The following LRP1 variants were observed in gnomAD, a reference collection of about 807,000 sequenced individuals.
The protein encoded by LRP1 is LDL receptor related protein 1, also known as prolow-density lipoprotein receptor-related protein 1.
A neutral mutation model predicts 541.5 loss-of-function variants in LRP1; 51 were observed. The observed-to-expected ratio is 0.09, with a 90% confidence interval of 0.08 to 0.12. The LOEUF (loss-of-function observed/expected upper bound fraction) is 0.12. LRP1 is among the 10% of genes least tolerant of loss of function. The pLI is 1.00. For missense variants in LRP1, 3,878 were observed against 6,376.2 expected, an observed-to-expected ratio of 0.61 and a Z score of 13.34; for synonymous variants, 2,219 against 2,470.8, an observed-to-expected ratio of 0.90 and a Z score of 3.02.
In LRP1 at chr12:57,173,745, C is replaced by G. The variant is rs375568678; in HGVS notation, c.3347-35C>G. On this transcript the variant is annotated intron_variant, in intron 21 of 88. Coordinates refer to ENST00000243077, the MANE Select transcript of LRP1 (RefSeq NM_002332.3). This position sits in a 1 kb window ranked among gnomAD's most constrained non-coding sequence, Gnocchi z 4.7. ...GAAGGGCAGGGGGAGCCCCAGTCCC[C>G]GGGCCTGGGCCCTCATAGTGCACCT... The G allele has an allele frequency of 6.3e-7, 1 of 1,599,852 alleles. No individual in the cohort carries two copies.
Position 57,184,046 on chromosome 12 carries a change from T to C in LRP1, c.5930-39T>C. ...TTGGAGACACCAGGTCCACCTGTCC[T>C]CACCTAACCTCCCTGAGCCCCACCA... On this transcript the variant is annotated intron_variant, in intron 36 of 88. Transcript: ENST00000243077. The surrounding 1 kb of genome is among the most constrained non-coding windows in gnomAD (Gnocchi z 7.8). The C allele has an allele frequency of 6.2e-7, 1 of 1,605,902 alleles. No individual in the cohort carries two copies. Among genetic ancestry groups the C allele is most frequent in the Non-Finnish European group, 8.5e-7 (1 of 1,175,092 alleles).
chr12:57,175,781 G>C, intron 23 of LRP1, 76 bp downstream of exon 23: 3 of 1,549,030 alleles, frequency 1.9e-6, no homozygotes, highest in Non-Finnish European at 2.6e-6. Context: ...TTGGTGGCCA[G>C]GTGCCAAAGG....
chr12:57,167,409 G>A, intron 18 of LRP1, 35 bp from the exon 19 acceptor site: 1 of 1,461,434 alleles, frequency 6.8e-7, no homozygotes, highest in East Asian at 2.3e-5. Context: ...GTGTAATCGT[G>A]AAGGCCCTAC....
rs1251227275 is a variant in LRP1 at position 57,210,343 on chromosome 12, A to G, written c.12617A>G (p.Asn4206Ser). ...RPGTCNLQCFNGGSCFLNARR... is the reference protein window; with the variant it reads ...RPGTCNLQCFSGGSCFLNARR... ...GGAACCTGTAACCTGCAGTGCTTCA[A>G]CGGTGGCAGCTGTTTCCTCAATGCA... Residue 4206 changes from asparagine (N) to serine (S), a missense_variant, in exon 82 of 89, where the codon AAC becomes AGC. This residue lies in a region of LRP1 where 871 missense variants were observed against 1,212.4 expected (regional missense o/e 0.72). Transcript: ENST00000243077. 15 of 1,587,094 alleles carry G rather than the reference A, an allele frequency of 9.5e-6. No individual in the cohort carries two copies. The highest frequency in any genetic ancestry group is 2.3e-5 in the South Asian group (2 of 86,142).
intron 6 of LRP1, among the ~76,000 whole-genome samples, chr12:57,145,769 T>C (rs2035393326): frequency 6.6e-6 from 1 of 152,164 alleles, no homozygotes; most frequent in Non-Finnish European, 1.5e-5. Flanking sequence ...GGACTGTCCC[T>C]TCTCTGAGAG....
rs557625474 is a variant in LRP1, at chr12:57,188,838, C to T, written c.7031+1382C>T. Among the ~76,000 whole-genome samples, 11 of 152,294 alleles carry T rather than the reference C, an allele frequency of 7.2e-5. No homozygotes were observed. The East Asian group carries it at 1.7e-3, about 24-fold the overall frequency. ...GTCAGGGAACGTGTCCTTGAAGAGG[C>T]GGCATGTTAGCCAGCGTCTGAGGAT... is the stretch of plus-strand genomic sequence containing the variant. On this transcript the variant is annotated intron_variant, in intron 42 of 88. Transcript: ENST00000243077.
At chr12:57,208,942 G>C (rs1800192) in intron 78 of LRP1, 125 bp downstream of exon 78, 1 of 1,065,088 alleles carries the variant, frequency 9.4e-7, no homozygotes, top group Non-Finnish European at 1.4e-6. Context: ...GGGCAGATTG[G>C]CCGTGGAGGC....
At position 57,185,114 on chromosome 12, in the gene LRP1, C is replaced by T; in HGVS notation, c.6372C>T (p.Ser2124=). The part of the protein sequence containing the change: ...THANGSIKRG[S]KDNATDSVPL... ...CCAACGGCTCTATCAAGCGCGGGAG[C>T]AAAGACAATGCCACAGACTCCGTGC... The change falls in exon 40 of 89, where the codon AGC becomes AGT. Residue 2124 remains serine (S), a synonymous_variant. Transcript: ENST00000243077. This position sits in a 1 kb window ranked among gnomAD's most constrained non-coding sequence, Gnocchi z 4.9. The T allele has an allele frequency of 6.2e-7, 1 of 1,614,170 alleles. No individual in the cohort carries two copies. Among genetic ancestry groups the T allele is most frequent in the Non-Finnish European group, 8.5e-7 (1 of 1,180,026 alleles).
At chr12:57,135,260 G>A (rs901724303) in intron 1 of LRP1, among the ~76,000 whole-genome samples, 2 of 152,200 alleles carry the variant, frequency 1.3e-5, no homozygotes, top group Admixed American at 6.5e-5. Context: ...GCCAGGAGGC[G>A]GGGAAGGCCT....
At position 57,195,892 on chromosome 12, in the gene LRP1, C is replaced by T. The variant is rs748342380; in HGVS notation, c.8590C>T (p.Arg2864Cys). The T allele has an allele frequency of 6.8e-6, 11 of 1,613,692 alleles. No individual in the cohort carries two copies. The highest frequency in any genetic ancestry group is 1.3e-5 in the African/African-American group (1 of 74,908). The change falls in exon 54 of 89, where the codon CGC becomes TGC. Residue 2864 changes from arginine to cysteine, a missense_variant. By Grantham distance (180) the Arg-to-Cys change is radical (BLOSUM62 -3). Around this residue, in one of 13 missense-constraint regions of LRP1, gnomAD observed 1,100 missense variants for 1,827.4 expected, o/e 0.60. Coordinates refer to ENST00000243077, the MANE Select transcript of LRP1 (RefSeq NM_002332.3). ...EYPTCGPSEF[R>C]CANGRCLSSR... is the part of the protein sequence containing the mutation. ...CCCGACCTGCGGCCCCAGTGAGTTC[C>T]GCTGTGCCAATGGGCGCTGTCTGAG...
At chr12:57,151,853 T>A (rs781286660) in intron 6 of LRP1, among the ~76,000 whole-genome samples, 1 of 152,118 alleles carries the variant, frequency 6.6e-6, no homozygotes. Flanking sequence ...GAATCTGAAC[T>A]TTAGGAGAGA....
chr12:57,202,792 C>T (rs1042883351), intron 68 of LRP1: 9 of 587,640 alleles, frequency 1.5e-5, no homozygotes, highest in Middle Eastern at 4.6e-4. Context: ...CCCGTGCTCC[C>T]ACCATACCCC....
intron 17 of LRP1, among the ~76,000 whole-genome samples, chr12:57,166,604 T>G (rs2035845800): frequency 6.6e-6 from 1 of 151,988 alleles, no homozygotes; most frequent in South Asian, 2.1e-4. Context: ...GCAGAGGGGA[T>G]GGAGCCCTGA....
At chr12:57,170,345 C>T (rs968870367) in intron 20 of LRP1, among the ~76,000 whole-genome samples, 3 of 152,178 alleles carry the variant, frequency 2.0e-5, no homozygotes, top group African/African-American at 7.2e-5. Flanking sequence ...GAACACAATT[C>T]AAGCCATACC....
rs369753125 is a variant in LRP1 at position 57,141,395 on chromosome 12, G to A, written c.212G>A (p.Arg71Gln). The change falls in exon 3 of 89, where the codon CGA (arginine) becomes CAA (glutamine). Residue 71 changes from arginine (R) to glutamine (Q), a missense_variant. This residue lies in a region of LRP1 where 293 missense variants were observed against 403.7 expected (regional missense o/e 0.73). Coordinates refer to ENST00000243077, the MANE Select transcript of LRP1 (RefSeq NM_002332.3). ...PEICPQSKAQ[R>Q]CQPNEHNCLG... is the part of the protein sequence containing the mutation. Reference sequence around the variant, plus strand: ...TCAGGTCCACAGAGTAAGGCCCAGCGATGCCAGCCAAACGAGCATAACTGC... The same window carrying A: ...TCAGGTCCACAGAGTAAGGCCCAGCAATGCCAGCCAAACGAGCATAACTGC... The A allele has an allele frequency of 1.0e-4, 168 of 1,614,020 alleles. No individual in the cohort carries two copies. The Middle Eastern group carries it at 1.2e-3, about 11-fold the overall frequency.
At chr12:57,203,668 C>T in intron 70 of LRP1, 147 bp downstream of exon 70, 2 of 1,082,096 alleles carry the variant, frequency 1.8e-6, no homozygotes, top group Non-Finnish European at 2.5e-6. Flanking sequence ...CAGGCACTGC[C>T]ATAGGTGTTA....
At chr12:57,172,815 G>A (rs1322199839) in intron 20 of LRP1, among the ~76,000 whole-genome samples, 3 of 152,210 alleles carry the variant, frequency 2.0e-5, no homozygotes, top group African/African-American at 2.4e-5. Flanking sequence ...CCAGGACAGC[G>A]CCTGGCACAC....
intron 6 of LRP1, among the ~76,000 whole-genome samples, chr12:57,151,855 T>C (rs746055431): frequency 1.3e-5 from 2 of 152,120 alleles, no homozygotes; most frequent in Non-Finnish European, 2.9e-5. Flanking sequence ...ATCTGAACTT[T>C]AGGAGAGAGA....
In LRP1 at chr12:57,180,044, C is replaced by T. The variant is rs767046917; in HGVS notation, c.5142-3C>T. 3 of 1,613,750 alleles carry T rather than the reference C, an allele frequency of 1.9e-6. No homozygotes were observed. The highest frequency in any genetic ancestry group is 2.5e-6 in the Non-Finnish European group (3 of 1,179,920). On this transcript the variant is annotated splice_polypyrimidine_tract_variant and splice_region_variant and intron_variant, in intron 30 of 88. Coordinates refer to ENST00000243077, the MANE Select transcript of LRP1 (RefSeq NM_002332.3). ...CCTTTCCCTCTTGGCACCCTCCCCC[C>T]AGGAAGCTCTACTGGACCGATGGTG...
Sources: gnomAD v4.1 joint callset for allele counts (sites outside exome capture counted in the v4.1 genomes callset) on GRCh38, gnomAD v4.1.1 for gene constraint, gnomAD v4.1.1 regional missense constraint, Gnocchi (gnomAD v3.1) non-coding constraint, MANE v1.5 for transcripts, NCBI Gene and HGNC (gene_info 2026-07-23, HGNC 2026-07-21) for gene names.